Variants in MPHOSPH9 observed in about 807,000 individuals in gnomAD.
MPHOSPH9 encodes M-phase phosphoprotein 9.
In MPHOSPH9, 88 loss-of-function variants were observed where a neutral mutation model predicts 145.5. The observed-to-expected ratio is 0.60, with a 90% confidence interval of 0.51 to 0.72. The LOEUF (loss-of-function observed/expected upper bound fraction) is 0.72, where lower values mean the gene tolerates loss of function less well. Ranked by LOEUF, MPHOSPH9 falls within the 30% of genes least tolerant of loss-of-function variation. The pLI is 0.00. For synonymous variants in MPHOSPH9, 435 were observed against 486.2 expected (o/e 0.89, Z 1.39); for missense variants, 1,238 against 1,386.6 (o/e 0.89, Z 1.70).
chr12:123,203,378 T>C lies in MPHOSPH9; in HGVS notation c.1195-3A>G. ...TTCATCTCATTACTAGTATTAGACT[T>C]AAAGATACGAAACAAAATTAAATGG... On this transcript the variant is annotated splice_polypyrimidine_tract_variant and splice_region_variant and intron_variant, in intron 8 of 23. Coordinates refer to ENST00000606320, the MANE Select transcript of MPHOSPH9 (RefSeq NM_022782.4). 1 of 1,579,690 alleles carries C rather than the reference T, an allele frequency of 6.3e-7. No individual in the cohort carries two copies. The highest frequency in any genetic ancestry group is 2.2e-5 in the East Asian group (1 of 44,658).
At chr12:123,224,121 T>C (rs1159985457) in intron 3 of MPHOSPH9, among the ~76,000 whole-genome samples, 1 of 140,700 alleles carries the variant, frequency 7.1e-6, no homozygotes, top group Non-Finnish European at 1.5e-5. Flanking sequence ...TATATATATA[T>C]ATATACACAT....
chr12:123,240,241 G>T (rs1265654972), intron 1 of MPHOSPH9, among the ~76,000 whole-genome samples: 1 of 151,928 alleles, frequency 6.6e-6, no homozygotes, highest in Non-Finnish European at 1.5e-5. Context: ...GGACGTGGTG[G>T]TGGGCACCTG....
At position 123,221,712 on chromosome 12, in the gene MPHOSPH9, G is replaced by C. The variant is rs1216080665; in HGVS notation, c.532C>G (p.Gln178Glu). The change falls in exon 5 of 24, where the codon CAG becomes GAG. Residue 178 changes from glutamine (Q) to glutamate (E), a missense_variant. This residue lies in a region of MPHOSPH9 where 837 missense variants were observed against 897.5 expected (regional missense o/e 0.93). Transcript: ENST00000606320. ...HYPESTEPEI[Q>E]QEMSTSQPDC... ...GGTTGTGACGTGGACATTTCTTGCT[G>C]TATTTCAGGTTCTGTGGATTCAGGA... The C allele has an allele frequency of 1.2e-6, 2 of 1,614,052 alleles. No homozygotes were observed. Among genetic ancestry groups the C allele is most frequent in the Non-Finnish European group, 1.7e-6 (2 of 1,179,974 alleles).
chr12:123,172,178 G>T (rs1790100), intron 16 of MPHOSPH9, among the ~76,000 whole-genome samples: 97,693 of 152,096 alleles, frequency 0.64, 35,858 homozygotes, highest in East Asian at 1. Context: ...AAGGGCCAGA[G>T]AGTAAACACT....
chr12:123,234,114 A>G (rs147761172), upstream of MPHOSPH9, among the ~76,000 whole-genome samples: 160 of 152,038 alleles, frequency 1.1e-3, 1 homozygote, highest in Middle Eastern at 6.8e-3. Context: ...TGAAGGACCA[A>G]AGGGAACTCG....
upstream of MPHOSPH9, among the ~76,000 whole-genome samples, chr12:123,237,067 A>C (rs10744150): frequency 0.59 from 89,584 of 151,788 alleles, 30,702 homozygotes; most frequent in Non-Finnish European, 0.75. Flanking sequence ...GCTGGGTGAC[A>C]GAGTGAGACT....
At chr12:123,227,800 G>A (rs545764508) in intron 2 of MPHOSPH9, among the ~76,000 whole-genome samples, 184 bp from the exon 3 acceptor site, 3 of 152,266 alleles carry the variant, frequency 2.0e-5, no homozygotes, top group Non-Finnish European at 2.9e-5. Context: ...TAAAAAGACC[G>A]CACTGTACTC....
chr12:123,195,361 T>A (rs1408818571), intron 12 of MPHOSPH9, among the ~76,000 whole-genome samples: 1 of 149,864 alleles, frequency 6.7e-6, no homozygotes, highest in Non-Finnish European at 1.5e-5. Context: ...CCGAGGCAGG[T>A]GAATCACGAG....
At chr12:123,196,968 C>T (rs971205550) in intron 12 of MPHOSPH9, among the ~76,000 whole-genome samples, 1 of 147,776 alleles carries the variant, frequency 6.8e-6, no homozygotes, top group African/African-American at 2.5e-5. Context: ...AGAAAGAAAA[C>T]TGAGTAGTGG....
intron 3 of MPHOSPH9, 74 bp from the exon 4 acceptor site, chr12:123,223,201 T>A: frequency 1.1e-6 from 1 of 933,730 alleles, no homozygotes; most frequent in Non-Finnish European, 1.5e-6. Context: ...TCCTCCAGTG[T>A]AAAAGAGCCC....
Position 123,192,604 on chromosome 12 carries a change from G to A in MPHOSPH9, c.2241+1782C>T, listed in dbSNP as rs1029459363. On this transcript the variant is annotated intron_variant, in intron 13 of 23. Transcript: ENST00000606320. The stretch of plus-strand genomic sequence containing the variant: ...TGATCGCACCACTGCACTCCAGCCT[G>A]GGCAACAGAGTGAGACACCGTCTCA... Among the ~76,000 whole-genome samples the A allele has an allele frequency of 2.5e-5, 3 of 121,572 alleles. No individual in the cohort carries two copies. In the East Asian group the frequency reaches 8.7e-4, roughly 35 times the overall value. 79.8% of individuals were successfully genotyped at this position (121,572 alleles called of 152,430 possible).
At chr12:123,231,512 T>G (rs568263878) in intron 1 of MPHOSPH9, among the ~76,000 whole-genome samples, 8 of 152,236 alleles carry the variant, frequency 5.3e-5, no homozygotes, top group Admixed American at 3.3e-4. Context: ...TTTGTCTCTG[T>G]GCAGCTATTC....
intron 16 of MPHOSPH9, among the ~76,000 whole-genome samples, chr12:123,168,365 G>A (rs1486620563): frequency 3.6e-5 from 5 of 140,720 alleles, no homozygotes; most frequent in Admixed American, 1.5e-4. Context: ...TTTTTGAGAC[G>A]GAGTCTCGCT....
intron 6 of MPHOSPH9, 25 bp from the exon 7 acceptor site, chr12:123,214,859 G>C (rs370900864): frequency 2.0e-5 from 31 of 1,577,890 alleles, no homozygotes; most frequent in Non-Finnish European, 2.7e-5. Context: ...ACTATTGATT[G>C]ACAGCTAAAA....
At position 123,166,554 on chromosome 12, in the gene MPHOSPH9, T is replaced by C. The variant is rs548712525; in HGVS notation, c.2591+101A>G. The C allele has an allele frequency of 6.1e-6, 8 of 1,320,084 alleles. No homozygotes were observed. In the African/African-American group the frequency reaches 1.2e-4, roughly 19 times the overall value. 81.8% of individuals were successfully genotyped at this position (1,320,084 alleles called of 1,614,324 possible). A position where few individuals can be genotyped will look rare whatever the true frequency, so the allele number is the denominator to read the frequency against. On this transcript the variant is annotated intron_variant, in intron 17 of 23. Coordinates refer to ENST00000606320, the MANE Select transcript of MPHOSPH9 (RefSeq NM_022782.4). ...AAGTCAGGTTCTCAAAATTAAGACA[T>C]TAAAGAACCAAAGAGAGGGCTTCCC...
intron 8 of MPHOSPH9, among the ~76,000 whole-genome samples, chr12:123,205,525 A>G (rs1439281840): frequency 5.9e-5 from 9 of 152,108 alleles, no homozygotes; most frequent in African/African-American, 2.2e-4. Context: ...CAGCCTGTGA[A>G]ACAGAGCGAG....
At position 123,166,699 on chromosome 12, in the gene MPHOSPH9, C is replaced by G. The variant is rs1470733200; in HGVS notation, c.2547G>C (p.Gln849His). 1 of 1,614,008 alleles carries G rather than the reference C, an allele frequency of 6.2e-7. No individual in the cohort carries two copies. Residue 849 changes from glutamine to histidine, a missense_variant, in exon 17 of 24, where the codon CAG becomes CAC. Gln to His is a conservative substitution (Grantham distance 24, BLOSUM62 0). Coordinates refer to ENST00000606320, the MANE Select transcript of MPHOSPH9 (RefSeq NM_022782.4). ...CCAGCTGGTTATCCACGTTACTGTC[C>G]TGGGTGTCCAGAGGCTGGCCAGTAA... ...SIFTGQPLDT[Q>H]DSNVDNQLEE... is the part of the protein sequence containing the mutation.
At chr12:123,241,044 G>A (rs371298056) in intron 1 of MPHOSPH9, among the ~76,000 whole-genome samples, 2 of 150,012 alleles carry the variant, frequency 1.3e-5, no homozygotes, top group Non-Finnish European at 3.0e-5. Context: ...TCAGAGACAC[G>A]AAATGAAAGG....
In MPHOSPH9 at chr12:123,221,412, C is replaced by T; in HGVS notation, c.832G>A (p.Glu278Lys). Residue 278 changes from glutamate (E) to lysine (K), a missense_variant, in exon 5 of 24, where the codon GAA becomes AAA. Transcript: ENST00000606320. ...CTGTATACTTCAGAAACCTTATTTT[C>T]ACCAAGAAAATTATGTTCAAATTCA... The part of the protein sequence containing the change: ...PGEFEHNFLG[E>K]NKVSEVYSGK... 6.2e-7 allele frequency: 1 copy of T among 1,608,794 alleles called. No homozygotes were observed. Among genetic ancestry groups the T allele is most frequent in the Non-Finnish European group, 8.5e-7 (1 of 1,178,428 alleles).
Sources: allele counts gnomAD v4.1 joint callset (sites outside exome capture counted in the v4.1 genomes callset), GRCh38; gene constraint gnomAD v4.1.1; regional missense constraint gnomAD v4.1.1; transcripts MANE v1.5; gene names NCBI Gene and HGNC (gene_info 2026-07-23, HGNC 2026-07-21).